The following PLEKHG5 variants were observed in gnomAD, a reference collection of about 807,000 sequenced individuals.
PLEKHG5 encodes the protein pleckstrin homology and RhoGEF domain containing G5.
PLEKHG5 carries 52 observed loss-of-function variants against 103.8 expected under a neutral mutation model. The ratio of observed to expected loss-of-function variants is 0.50; its 90% CI spans 0.40 to 0.63. The LOEUF is 0.63. PLEKHG5 is among the 30% of genes least tolerant of loss of function. The pLI is 0.00. For synonymous variants in PLEKHG5, 592 were observed against 575.5 expected (o/e 1.03, Z -0.41); for missense variants, 1,205 against 1,347.6 (o/e 0.89, Z 1.66).
upstream of PLEKHG5, among the ~76,000 whole-genome samples, chr1:6,493,273 G>A (rs1390324383): frequency 6.6e-6 from 1 of 152,228 alleles, no homozygotes; most frequent in African/African-American, 2.4e-5. Flanking sequence ...CAGCTAGAAT[G>A]TCACCTCCAG....
chr1:6,469,363 C>T lies in PLEKHG5; in HGVS notation c.2021G>A (p.Gly674Asp), dbSNP rs772414205. The stretch of plus-strand genomic sequence containing the variant: ...GGCATTGTAAATGGTGTCCACCCAG[C>T]CACGGCACAAGGCCTGGCCACTGGC... Reference protein sequence around the residue: ...FQASGQALCRGWVDTIYNAQN... With the variant: ...FQASGQALCRDWVDTIYNAQN... Residue 674 changes from glycine (G) to aspartate (D), a missense_variant, in exon 18 of 21, where the codon GGC becomes GAC. By Grantham distance (94) the Gly-to-Asp change is moderately conservative. Coordinates refer to ENST00000377728, the MANE Select transcript of PLEKHG5 (RefSeq NM_020631.6). The T allele has an allele frequency of 3.5e-5, 56 of 1,614,176 alleles. No individual in the cohort carries two copies. The highest frequency in any genetic ancestry group is 4.7e-5 in the Non-Finnish European group (55 of 1,180,028).
Position 6,467,284 on chromosome 1 carries a change from C to G in PLEKHG5, c.*279G>C. 1.7e-6 allele frequency: 1 copy of G among 582,482 alleles called. No individual in the cohort carries two copies. Among genetic ancestry groups the G allele is most frequent in the East Asian group, 2.9e-5 (1 of 34,374 alleles). 36.1% of individuals were successfully genotyped at this position (582,482 alleles called of 1,614,324 possible). A position where few individuals can be genotyped will look rare whatever the true frequency, so the allele number is the denominator to read the frequency against. ...GTGAGGGTAGAAGTAGGATGGGCAG[C>G]CTAGGAGCCCAGCCCTGAAGACTCG... On this transcript the variant is annotated 3_prime_UTR_variant, in exon 21 of 21. Coordinates refer to ENST00000377728, the MANE Select transcript of PLEKHG5 (RefSeq NM_020631.6).
chr1:6,491,722 C>T (rs1409539338), upstream of PLEKHG5: 3 of 984,398 alleles, frequency 3.0e-6, no homozygotes, highest in African/African-American at 5.2e-5. This position sits in a 1 kb window ranked among gnomAD's most constrained non-coding sequence, Gnocchi z 4.1. Context: ...CCTCCACACA[C>T]GCATACCCTG....
At chr1:6,511,715 G>A (rs1184061339) in intron 1 of PLEKHG5, among the ~76,000 whole-genome samples, 4 of 152,252 alleles carry the variant, frequency 2.6e-5, no homozygotes, top group Admixed American at 2.0e-4. Flanking sequence ...GAGCCATGCA[G>A]TGGCTTCACC....
intron 1 of PLEKHG5, among the ~76,000 whole-genome samples, chr1:6,504,828 C>T (rs1638261227): frequency 6.6e-6 from 1 of 152,198 alleles, no homozygotes; most frequent in South Asian, 2.1e-4. Context: ...CTCGGCCTCC[C>T]AAAGTGCTGG....
chr1:6,514,898 A>G (rs1424363945), intron 1 of PLEKHG5, among the ~76,000 whole-genome samples: 1 of 150,324 alleles, frequency 6.7e-6, no homozygotes, highest in Non-Finnish European at 1.5e-5. Context: ...TGAAACCCCA[A>G]CTCTATTAAA....
chr1:6,502,771 C>T (rs556145988), intron 1 of PLEKHG5, among the ~76,000 whole-genome samples: 4 of 152,348 alleles, frequency 2.6e-5, no homozygotes, highest in East Asian at 1.9e-4. Flanking sequence ...GCATGGGCCC[C>T]GGCCAGGGTC....
At chr1:6,479,378 C>G (rs899045214) in intron 1 of PLEKHG5, among the ~76,000 whole-genome samples, 1 of 151,270 alleles carries the variant, frequency 6.6e-6, no homozygotes, top group African/African-American at 2.4e-5. Context: ...GCTCCGCCTC[C>G]TCGGTTCACA....
chr1:6,505,308 G>A lies in PLEKHG5; in HGVS notation c.-164-8739C>T, dbSNP rs575622080. On this transcript the variant is annotated intron_variant, in intron 1 of 21. Coordinates refer to the PLEKHG5 transcript ENST00000377740. The surrounding 1 kb of genome is among the most constrained non-coding windows in gnomAD (Gnocchi z 4.2). Reference sequence around the variant, plus strand: ...CAGCCCACGATGCCGACCAGCCTACGGTGCCGACCAGCTGAGCTGAGCGGA... The same window carrying A: ...CAGCCCACGATGCCGACCAGCCTACAGTGCCGACCAGCTGAGCTGAGCGGA... 6.6e-6 allele frequency among the ~76,000 whole-genome samples: 1 copy of A among 151,914 alleles called. No homozygotes were observed. Among genetic ancestry groups the A allele is most frequent in the South Asian group, 2.1e-4 (1 of 4,812 alleles).
intron 13 of PLEKHG5, 45 bp from the exon 14 acceptor site, chr1:6,470,929 AC>A: frequency 6.9e-7 from 1 of 1,442,658 alleles, no homozygotes; most frequent in Non-Finnish European, 9.4e-7. Flanking sequence ...GCCCCGCCCC[AC>A]CCGGCCCCGT....
rs1164251496 is a variant in PLEKHG5, at chr1:6,486,455, T to C, written c.-88+5182A>G. 1.3e-5 allele frequency among the ~76,000 whole-genome samples: 2 copies of C among 152,160 alleles called. No individual in the cohort carries two copies. The highest frequency in any genetic ancestry group is 2.9e-5 in the Non-Finnish European group (2 of 68,022). ...TCACACCGACTGCTCACTGCCCAGG[T>C]ACGGCAGAGGCCGAGAGCCAAAGGC... On this transcript the variant is annotated intron_variant, in intron 1 of 20. Coordinates refer to ENST00000377728, the MANE Select transcript of PLEKHG5 (RefSeq NM_020631.6). This position sits in a 1 kb window ranked among gnomAD's most constrained non-coding sequence, Gnocchi z 5.3.
At chr1:6,497,086 T>G, upstream of PLEKHG5, 7 of 1,480,640 alleles carry the variant, frequency 4.7e-6, no homozygotes, top group East Asian at 2.6e-5. This position sits in a 1 kb window ranked among gnomAD's most constrained non-coding sequence, Gnocchi z 6.1. Context: ...GGGGCTGGAG[T>G]GCACCGCGGT....
chr1:6,475,903 T>G (rs1317378754), intron 3 of PLEKHG5, 28 bp downstream of exon 3: 2 of 1,567,870 alleles, frequency 1.3e-6, no homozygotes, highest in Admixed American at 3.3e-5. Flanking sequence ...CCTCCAGGTA[T>G]CTCTCTGCCC....
At chr1:6,473,985 CT>C in intron 7 of PLEKHG5, 27 bp downstream of exon 7, 21 of 1,425,216 alleles carry the variant, frequency 1.5e-5, no homozygotes, top group African/African-American at 2.8e-5. Context: ...TTCCCACCCC[CT>C]CCCCTGACAC....
chr1:6,501,982 C>A lies in PLEKHG5; in HGVS notation c.-164-5413G>T, dbSNP rs1026894689. 3.9e-5 allele frequency among the ~76,000 whole-genome samples: 6 copies of A among 152,198 alleles called. No individual in the cohort carries two copies. The highest frequency in any genetic ancestry group is 3.9e-4 in the Admixed American group (6 of 15,286). On this transcript the variant is annotated intron_variant, in intron 1 of 21. Transcript: ENST00000377740. This position sits in a 1 kb window ranked among gnomAD's most constrained non-coding sequence, Gnocchi z 4.3. ...CACGACCTCCCAACCACAGGCCTGGCCATGCAAAGGCTGCCCCTCTCAGGA... is the reference window on the plus strand; with the variant it reads ...CACGACCTCCCAACCACAGGCCTGGACATGCAAAGGCTGCCCCTCTCAGGA...
At position 6,490,056 on chromosome 1, in the gene PLEKHG5, T is replaced by G. The variant is rs934400359; in HGVS notation, c.-88+1581A>C. ...CAGCCTCTGGCGCCCCCTGCCGGCC[T>G]CGAGAGGGCTTTTCCGCCTGGGACC... On this transcript the variant is annotated intron_variant, in intron 1 of 20. Coordinates refer to ENST00000377728, the MANE Select transcript of PLEKHG5 (RefSeq NM_020631.6). This position sits in a 1 kb window ranked among gnomAD's most constrained non-coding sequence, Gnocchi z 8.0. Among the ~76,000 whole-genome samples the G allele has an allele frequency of 6.6e-6, 1 of 152,036 alleles. No homozygotes were observed. Among genetic ancestry groups the G allele is most frequent in the African/African-American group, 2.4e-5 (1 of 41,384 alleles).
intron 1 of PLEKHG5, among the ~76,000 whole-genome samples, chr1:6,510,717 C>T (rs1638448892): frequency 6.6e-6 from 1 of 152,350 alleles, no homozygotes; most frequent in African/African-American, 2.4e-5. Flanking sequence ...AGCCAGCAAG[C>T]AGTGGGCCCA....
chr1:6,471,724 C>T (rs754517552), intron 11 of PLEKHG5, 34 bp downstream of exon 11: 6 of 1,600,058 alleles, frequency 3.7e-6, no homozygotes, highest in Non-Finnish European at 5.1e-6. Context: ...CTTCCTGGTA[C>T]CTCACCCGCC....
chr1:6,507,001 G>A (rs1046241008), intron 1 of PLEKHG5, among the ~76,000 whole-genome samples: 7 of 152,240 alleles, frequency 4.6e-5, no homozygotes, highest in African/African-American at 1.2e-4. Flanking sequence ...CAGAGGGCTG[G>A]GGGTGCAGAC....
Sources: allele counts gnomAD v4.1 joint callset (sites outside exome capture counted in the v4.1 genomes callset), GRCh38; gene constraint gnomAD v4.1.1; non-coding constraint Gnocchi (gnomAD v3.1); transcripts MANE v1.5; gene names NCBI Gene and HGNC (gene_info 2026-07-23, HGNC 2026-07-21).